The following IL23R variants were observed in gnomAD, a reference collection of about 807,000 sequenced individuals.
The protein encoded by IL23R is interleukin-23 receptor.
In IL23R, 34 loss-of-function variants were observed where a neutral mutation model predicts 56.9. That is an observed-to-expected ratio of 0.60 (90% CI 0.45 to 0.80). The LOEUF is 0.80. IL23R is among the 30% of genes least tolerant of loss of function. IL23R has a pLI of 0.00. For missense variants in IL23R, 635 were observed against 730.0 expected (o/e 0.87, Z 1.50); for synonymous variants, 230 against 249.2 (o/e 0.92, Z 0.73).
At chr1:67,205,907 CTTTCTTTCTTTCTT>C (rs1447975349) in intron 5 of IL23R, among the ~76,000 whole-genome samples, 1 of 122,484 alleles carries the variant, frequency 8.2e-6, no homozygotes, top group Non-Finnish European at 1.9e-5. Context: ...TTCTTTCTTT[CTTTCTTTCTTTCTT>C]TCTTTTTCTT....
chr1:67,237,850 A>G (rs1303288605), intron 8 of IL23R, among the ~76,000 whole-genome samples: 1 of 152,194 alleles, frequency 6.6e-6, no homozygotes, highest in Non-Finnish European at 1.5e-5. Flanking sequence ...TGCAGGTTGT[A>G]TTGCTATTCT....
chr1:67,182,538 C>T (rs930550916), intron 3 of IL23R, among the ~76,000 whole-genome samples: 1 of 152,136 alleles, frequency 6.6e-6, no homozygotes, highest in Non-Finnish European at 1.5e-5. Flanking sequence ...ATCTGTCACC[C>T]CTTTCCTTGG....
intron 4 of IL23R, 56 bp downstream of exon 4, chr1:67,183,015 C>T: frequency 6.2e-7 from 1 of 1,604,542 alleles, no homozygotes; most frequent in African/African-American, 1.3e-5. Context: ...TCAGCCAGAG[C>T]TCTGCCTCCA....
At chr1:67,251,839 A>C (rs1652646568) in intron 9 of IL23R, among the ~76,000 whole-genome samples, 1 of 152,172 alleles carries the variant, frequency 6.6e-6, no homozygotes, top group Non-Finnish European at 1.5e-5. Context: ...AAGGGCTCTA[A>C]AGTACTTAAT....
intron 4 of IL23R, among the ~76,000 whole-genome samples, chr1:67,190,763 G>A (rs1647680087): frequency 1.3e-5 from 2 of 152,170 alleles, no homozygotes; most frequent in Non-Finnish European, 2.9e-5. Flanking sequence ...TAACATCAAT[G>A]TTGGGATTTT....
At chr1:67,175,205 C>T (rs1646992535) in intron 3 of IL23R, among the ~76,000 whole-genome samples, 1 of 151,938 alleles carries the variant, frequency 6.6e-6, no homozygotes, top group African/African-American at 2.4e-5. Flanking sequence ...AAAATGTTTG[C>T]CATAACATGG....
chr1:67,163,654 G>T (rs1259939555), upstream of IL23R, among the ~76,000 whole-genome samples: 1 of 152,048 alleles, frequency 6.6e-6, no homozygotes, highest in Admixed American at 6.6e-5. Context: ...GAGTTCAGGT[G>T]AGATCTGGTT....
intron 4 of IL23R, 134 bp from the exon 5 acceptor site, chr1:67,200,603 T>G: frequency 1.3e-6 from 1 of 745,506 alleles, no homozygotes; most frequent in Non-Finnish European, 2.3e-6. Flanking sequence ...CAGGCTGGTC[T>G]CGAACTCCTG....
Position 67,152,742 on chromosome 1 carries a change from C to T in IL23R, c.-634+13581C>T, listed in dbSNP as rs953297103. On this transcript the variant is annotated intron_variant, in intron 1 of 10. Coordinates refer to the IL23R transcript ENST00000637002. ...TTTCATTGGTTCTGTTTATGTGATG[C>T]GTTACATTTATTGATTTGTGTATAT... is the stretch of plus-strand genomic sequence containing the variant. Among the ~76,000 whole-genome samples, 13 of 114,492 alleles carry T rather than the reference C, an allele frequency of 1.1e-4. No homozygotes were observed. In the South Asian group the frequency reaches 1.8e-3, roughly 16 times the overall value. 75.1% of individuals were successfully genotyped at this position (114,492 alleles called of 152,430 possible).
intron 6 of IL23R, among the ~76,000 whole-genome samples, chr1:67,213,400 C>T (rs1649629543): frequency 6.6e-6 from 1 of 152,170 alleles, no homozygotes; most frequent in Non-Finnish European, 1.5e-5. Context: ...AGGAATCCAA[C>T]TGAAAGTCAC....
intron 5 of IL23R, among the ~76,000 whole-genome samples, chr1:67,204,086 C>T (rs189202317): frequency 1.3e-5 from 2 of 151,732 alleles, no homozygotes; most frequent in Admixed American, 6.6e-5. Context: ...TTTTTTGAGA[C>T]GGAGTCTCGC....
At chr1:67,206,250 G>A (rs1354851878) in intron 5 of IL23R, among the ~76,000 whole-genome samples, 1 of 152,024 alleles carries the variant, frequency 6.6e-6, no homozygotes. Context: ...CTGACCTTAA[G>A]TGATCTGCCC....
intron 6 of IL23R, among the ~76,000 whole-genome samples, chr1:67,219,186 A>T (rs531219826): frequency 6.6e-6 from 1 of 151,896 alleles, no homozygotes; most frequent in African/African-American, 2.4e-5. Context: ...GGCCAACATG[A>T]TGATACCCCA....
intron 4 of IL23R, among the ~76,000 whole-genome samples, chr1:67,187,215 C>T (rs528551780): frequency 1.5e-4 from 23 of 152,252 alleles, no homozygotes; most frequent in Admixed American, 3.9e-4. Flanking sequence ...ATAAGGGTTC[C>T]AGTATCTCCA....
At chr1:67,262,394 A>G (rs1341071251), downstream of IL23R, among the ~76,000 whole-genome samples, 1 of 152,162 alleles carries the variant, frequency 6.6e-6, no homozygotes, top group Non-Finnish European at 1.5e-5. Flanking sequence ...CTAGAGAGGT[A>G]AAATGGGATA....
chr1:67,183,006 C>T, intron 4 of IL23R, 47 bp downstream of exon 4: 1 of 1,610,322 alleles, frequency 6.2e-7, no homozygotes, highest in Non-Finnish European at 8.5e-7. Context: ...CACCCCAGTT[C>T]AGCCAGAGCT....
chr1:67,206,843 A>G, intron 5 of IL23R, 67 bp from the exon 6 acceptor site: 1 of 1,477,292 alleles, frequency 6.8e-7, no homozygotes, highest in Non-Finnish European at 9.1e-7. Flanking sequence ...ATTGACGAAA[A>G]GATGCCAGTT....
chr1:67,139,438 A>G (rs1295349609), intron 1 of IL23R, among the ~76,000 whole-genome samples: 1 of 152,198 alleles, frequency 6.6e-6, no homozygotes, highest in East Asian at 1.9e-4. Context: ...TCCACACAAC[A>G]TAGCTCAAAA....
chr1:67,183,078 C>A, intron 4 of IL23R, 119 bp downstream of exon 4: 1 of 1,129,274 alleles, frequency 8.9e-7, no homozygotes, highest in Non-Finnish European at 1.3e-6. Flanking sequence ...CTGATTTATC[C>A]CTTATTTCCT....
Sources: gnomAD v4.1 joint callset for allele counts (sites outside exome capture counted in the v4.1 genomes callset) on GRCh38, gnomAD v4.1.1 for gene constraint, MANE v1.5 for transcripts, NCBI Gene and HGNC (gene_info 2026-07-23, HGNC 2026-07-21) for gene names.